NPLOC4: variants seen among roughly 807,000 people sequenced by gnomAD.
NPLOC4 encodes NPL4 homolog, ubiquitin recognition factor.
NPLOC4 carries 18 observed loss-of-function variants against 80.6 expected under a neutral mutation model. The observed-to-expected ratio is 0.22, with a 90% CI of 0.15 to 0.33. The LOEUF (loss-of-function observed/expected upper bound fraction) is 0.33. NPLOC4 is among the 10% of genes least tolerant of loss of function. The probability of loss-of-function intolerance (pLI) is 1.00; values close to 1 mark genes in which losing one functional copy is unlikely to be tolerated. For missense variants in NPLOC4, 540 were observed against 786.1 expected (o/e 0.69, Z 3.74); for synonymous variants, 313 against 301.5 (o/e 1.04, Z -0.39).
chr17:81,578,946 G>T (rs2034369225), intron 12 of NPLOC4, among the ~76,000 whole-genome samples: 1 of 152,000 alleles, frequency 6.6e-6, no homozygotes, highest in African/African-American at 2.4e-5. Flanking sequence ...TTAGAGACAG[G>T]GTCTCACTAT....
chr17:81,595,764 G>A (rs992048353), intron 11 of NPLOC4, among the ~76,000 whole-genome samples: 2 of 151,848 alleles, frequency 1.3e-5, no homozygotes, highest in Non-Finnish European at 2.9e-5. Context: ...GGCTGATCTC[G>A]AACTCCTGAC....
At chr17:81,559,622 G>T (rs946612049) in intron 16 of NPLOC4, among the ~76,000 whole-genome samples, 4 of 152,148 alleles carry the variant, frequency 2.6e-5, no homozygotes, top group Admixed American at 2.6e-4. Context: ...GCACCACAGG[G>T]AGTAACAGGG....
intron 15 of NPLOC4, 100 bp from the exon 16 acceptor site, chr17:81,565,707 T>G (rs1456380518): frequency 3.4e-6 from 3 of 881,052 alleles, no homozygotes; most frequent in African/African-American, 3.4e-5. Flanking sequence ...GACGTATTTC[T>G]GAGGACATTT....
intron 11 of NPLOC4, among the ~76,000 whole-genome samples, chr17:81,591,447 G>GAAAAAAACAAAAAA (rs2034737982): frequency 1.3e-5 from 1 of 76,322 alleles, no homozygotes; most frequent in Non-Finnish European, 2.4e-5. Context: ...GAGTAAAACA[G>GAAAAAAACAAAAAA]AAAAAAAAAA....
At chr17:81,603,588 T>C (rs1018233302) in intron 8 of NPLOC4, among the ~76,000 whole-genome samples, 8 of 152,140 alleles carry the variant, frequency 5.3e-5, no homozygotes, top group Non-Finnish European at 4.4e-5. Context: ...AGAGCAAGAC[T>C]CATCTCTAAA....
chr17:81,557,958 C>T lies in NPLOC4; in HGVS notation c.*1301G>A, dbSNP rs1158284771. 1 of 152,866 alleles carries T rather than the reference C, an allele frequency of 6.5e-6. No homozygotes were observed. The highest frequency in any genetic ancestry group is 2.4e-5 in the African/African-American group (1 of 41,468). The allele number at this position is 152,866 out of a possible 1,614,324, so 9.5% of individuals were successfully genotyped here. A position where few individuals can be genotyped will look rare whatever the true frequency, so the allele number is the denominator to read the frequency against. On this transcript the variant is annotated 3_prime_UTR_variant, in exon 17 of 17. Transcript: ENST00000331134. Reference sequence around the variant, plus strand: ...AATGTGGGTCACGTGGGCTTACCCCCCAGGATGGACACAGAAGTCCCTAAG... The same window carrying T: ...AATGTGGGTCACGTGGGCTTACCCCTCAGGATGGACACAGAAGTCCCTAAG...
At position 81,616,333 on chromosome 17, in the gene NPLOC4, A is replaced by AC. The variant is rs1555686395; in HGVS notation, c.210-2840_210-2839insG. Among the ~76,000 whole-genome samples the AC allele has an allele frequency of 1.5e-4, 17 of 115,616 alleles. 2 individuals are homozygous for AC. In the South Asian group the frequency reaches 2.9e-3, roughly 20 times the overall value. The allele number at this position is 115,616 out of a possible 152,430, so 75.8% of individuals were successfully genotyped here. On this transcript the variant is annotated intron_variant, in intron 3 of 16. Transcript: ENST00000331134. The stretch of plus-strand genomic sequence containing the variant: ...AAGACTCTGTCTCAAAAAAAAAAAA[A>AC]AAAAAGAAAAGCAAAGCTGCTAAAT...
intron 16 of NPLOC4, chr17:81,560,867 A>G (rs1568111857): frequency 1.3e-5 from 2 of 152,168 alleles, no homozygotes; most frequent in African/African-American, 2.4e-5. Context: ...CTTCACTCAC[A>G]CTTGACATTG....
At position 81,613,387 on chromosome 17, in the gene NPLOC4, A is replaced by C. The variant is rs756396599; in HGVS notation, c.317T>G (p.Val106Gly). The C allele has an allele frequency of 6.2e-7, 1 of 1,613,840 alleles. No individual in the cohort carries two copies. Among genetic ancestry groups the C allele is most frequent in the Non-Finnish European group, 8.5e-7 (1 of 1,179,890 alleles). Residue 106 changes from valine to glycine, a missense_variant, in exon 4 of 17, where the codon GTG becomes GGG. Val to Gly is a moderately radical substitution (Grantham distance 109). Transcript: ENST00000331134. ...GFKVFGAPNV[V>G]EDEIDQYLSK... ...GAGGTACTGATCAATCTCATCCTCC[A>C]CCACGTTGGGAGCGCCAAAGACTTT...
intron 3 of NPLOC4, among the ~76,000 whole-genome samples, chr17:81,618,305 C>G (rs1478324436): frequency 6.7e-6 from 1 of 150,124 alleles, no homozygotes; most frequent in Non-Finnish European, 1.5e-5. Flanking sequence ...GCCTCTGCCC[C>G]GCCGCCCCGT....
At chr17:81,624,420 A>AAAAAAC (rs1196198235) in intron 2 of NPLOC4, among the ~76,000 whole-genome samples, 2 of 152,056 alleles carry the variant, frequency 1.3e-5, no homozygotes, top group Admixed American at 6.6e-5. Flanking sequence ...CTCCGTCTCA[A>AAAAAAC]AAAAACAAAA....
chr17:81,578,713 G>A (rs1057288841), intron 12 of NPLOC4, among the ~76,000 whole-genome samples: 2 of 152,128 alleles, frequency 1.3e-5, no homozygotes, highest in African/African-American at 4.8e-5. Flanking sequence ...ACTGAGAACA[G>A]GATGGGGGAA....
Position 81,564,167 on chromosome 17 carries a change from G to C in NPLOC4, c.1669+1338C>G, listed in dbSNP as rs1186256507. 1.7e-5 allele frequency: 4 copies of C among 235,256 alleles called. No individual in the cohort carries two copies. In the Admixed American group the frequency reaches 2.1e-4, roughly 13 times the overall value. 14.6% of individuals were successfully genotyped at this position (235,256 alleles called of 1,614,324 possible). A position where few individuals can be genotyped will look rare whatever the true frequency, so the allele number is the denominator to read the frequency against. On this transcript the variant is annotated intron_variant, in intron 16 of 16. Coordinates refer to ENST00000331134, the MANE Select transcript of NPLOC4 (RefSeq NM_017921.4). ...TATTAGGTACTATGTGTAGTACCTG[G>C]GTGATGTGATCAATCATACCCCAAC...
intron 8 of NPLOC4, among the ~76,000 whole-genome samples, chr17:81,602,416 A>T (rs1355298358): frequency 1.3e-5 from 2 of 152,134 alleles, no homozygotes; most frequent in African/African-American, 2.4e-5. Context: ...CAATTAAAAA[A>T]AAATCAGGCC....
chr17:81,609,463 C>T (rs1009212450), intron 5 of NPLOC4, among the ~76,000 whole-genome samples: 1 of 152,100 alleles, frequency 6.6e-6, no homozygotes, highest in African/African-American at 2.4e-5. Flanking sequence ...TGAACCACCA[C>T]ACCCAGCTAA....
intron 3 of NPLOC4, among the ~76,000 whole-genome samples, chr17:81,614,775 G>A (rs569031811): frequency 6.6e-6 from 1 of 152,172 alleles, no homozygotes; most frequent in African/African-American, 2.4e-5. Flanking sequence ...CACAGAAGCC[G>A]CCTGGGGTCC....
At chr17:81,617,981 T>A (rs1170671965) in intron 3 of NPLOC4, among the ~76,000 whole-genome samples, 1 of 152,106 alleles carries the variant, frequency 6.6e-6, no homozygotes, top group African/African-American at 2.4e-5. Context: ...CAGGCTGGAG[T>A]GCAGTGGCGT....
At position 81,572,905 on chromosome 17, in the gene NPLOC4, C is replaced by G. The variant is rs1167786680; in HGVS notation, c.1282-817G>C. Among the ~76,000 whole-genome samples, 1 of 152,196 alleles carries G rather than the reference C, an allele frequency of 6.6e-6. No individual in the cohort carries two copies. The highest frequency in any genetic ancestry group is 2.4e-5 in the African/African-American group (1 of 41,440). ...AAAGGCATGCACAAATGAGCGCACACACAAATATGAAGACACGGGAACCCC... is the reference window on the plus strand; with the variant it reads ...AAAGGCATGCACAAATGAGCGCACAGACAAATATGAAGACACGGGAACCCC... On this transcript the variant is annotated intron_variant, in intron 12 of 16. Coordinates refer to ENST00000331134, the MANE Select transcript of NPLOC4 (RefSeq NM_017921.4). This position sits in a 1 kb window ranked among gnomAD's most constrained non-coding sequence, Gnocchi z 4.5.
chr17:81,564,033 A>G (rs1380212906), intron 16 of NPLOC4: 5 of 422,314 alleles, frequency 1.2e-5, no homozygotes, highest in Non-Finnish European at 2.4e-5. Flanking sequence ...GTGAGCTAAG[A>G]TTGCGCCACT....
Sources: allele counts gnomAD v4.1 joint callset (sites outside exome capture counted in the v4.1 genomes callset), GRCh38; gene constraint gnomAD v4.1.1; non-coding constraint Gnocchi (gnomAD v3.1); transcripts MANE v1.5; gene names NCBI Gene and HGNC (gene_info 2026-07-23, HGNC 2026-07-21).